MAML2: variants seen among roughly 807,000 people sequenced by gnomAD.
MAML2 encodes the protein mastermind like transcriptional coactivator 2.
A neutral mutation model predicts 96.1 loss-of-function variants in MAML2; 22 were observed. The observed-to-expected ratio is 0.23, with a 90% CI of 0.16 to 0.33. MAML2 has a LOEUF of 0.33. MAML2 is among the 10% of genes least tolerant of loss of function. The pLI is 1.00. For missense variants in MAML2, 1,367 were observed against 1,392.4 expected, an observed-to-expected ratio of 0.98 and a Z score of 0.29; for synonymous variants, 561 against 521.3, an observed-to-expected ratio of 1.08 and a Z score of -1.04.
At chr11:96,312,659 T>G (rs1350555076) in intron 1 of MAML2, among the ~76,000 whole-genome samples, 1 of 152,252 alleles carries the variant, frequency 6.6e-6, no homozygotes, top group Non-Finnish European at 1.5e-5. Context: ...CACTATTTTT[T>G]TTTATTGTGG....
chr11:96,077,530 T>A (rs1161556139), intron 2 of MAML2, among the ~76,000 whole-genome samples: 1 of 152,204 alleles, frequency 6.6e-6, no homozygotes, highest in Non-Finnish European at 1.5e-5. Context: ...CTACCCCATC[T>A]TTTTTACTCT....
At chr11:96,050,308 A>G (rs954572420) in intron 2 of MAML2, among the ~76,000 whole-genome samples, 1 of 152,166 alleles carries the variant, frequency 6.6e-6, no homozygotes, top group Non-Finnish European at 1.5e-5. Flanking sequence ...AGGGTGAAAG[A>G]TCACTGGGCT....
Position 96,310,703 on chromosome 11 carries a change from C to T in MAML2, c.513+30680G>A, listed in dbSNP as rs531609139. ...AAGAGTCTGCTGGTTTGACTCTTCA[C>T]GCAAGTCAATTCAAATTAAGTCACT... On this transcript the variant is annotated intron_variant, in intron 1 of 4. Transcript: ENST00000524717. Among the ~76,000 whole-genome samples the T allele has an allele frequency of 2.5e-4, 38 of 152,236 alleles. No individual in the cohort carries two copies. In the East Asian group the frequency reaches 3.1e-3, roughly 12 times the overall value.
intron 1 of MAML2, among the ~76,000 whole-genome samples, chr11:96,240,557 C>CAGAAAAAAAAAAAAAAA (rs1862422371): frequency 2.0e-5 from 1 of 51,090 alleles, no homozygotes; most frequent in Non-Finnish European, 3.8e-5. Context: ...GACTCCGTCT[C>CAGAAAAAAAAAAAAAAA]AAAAAAAAAA....
chr11:96,228,898 C>A (rs1183961552), intron 1 of MAML2, among the ~76,000 whole-genome samples: 1 of 151,928 alleles, frequency 6.6e-6, no homozygotes, highest in African/African-American at 2.4e-5. Context: ...TTCACGCGGT[C>A]TCTTGTAAAG....
At chr11:96,037,213 A>C (rs1355601571) in intron 2 of MAML2, among the ~76,000 whole-genome samples, 1 of 152,142 alleles carries the variant, frequency 6.6e-6, no homozygotes, top group Admixed American at 6.5e-5. Flanking sequence ...AACAAAAAAA[A>C]TAACTCTGGC....
At chr11:96,288,137 T>A (rs990408297) in intron 1 of MAML2, among the ~76,000 whole-genome samples, 1 of 152,148 alleles carries the variant, frequency 6.6e-6, no homozygotes, top group Non-Finnish European at 1.5e-5. Flanking sequence ...TGGAAATAGT[T>A]GATGCAAAAA....
chr11:96,227,926 A>T (rs1591083682), intron 1 of MAML2, among the ~76,000 whole-genome samples: 1 of 152,138 alleles, frequency 6.6e-6, no homozygotes, highest in Non-Finnish European at 1.5e-5. Context: ...ACAAAGTGAG[A>T]CCCCTGTCTC....
chr11:96,073,828 A>G (rs1859389406), intron 2 of MAML2, among the ~76,000 whole-genome samples: 1 of 152,206 alleles, frequency 6.6e-6, no homozygotes, highest in Non-Finnish European at 1.5e-5. Context: ...TATTGTGCTT[A>G]GAATGTACAG....
At chr11:96,144,099 A>G (rs1049244703) in intron 1 of MAML2, among the ~76,000 whole-genome samples, 1 of 152,236 alleles carries the variant, frequency 6.6e-6, no homozygotes, top group Non-Finnish European at 1.5e-5. Context: ...GAAGTATGAC[A>G]TAAAGAAATG....
intron 1 of MAML2, among the ~76,000 whole-genome samples, chr11:96,196,619 C>T (rs1322674410): frequency 6.6e-6 from 1 of 152,220 alleles, no homozygotes; most frequent in Non-Finnish European, 1.5e-5. Context: ...GATGCCCCCT[C>T]CCCATGCTGG....
At chr11:96,034,432 T>TGAGAGAGA (rs371921984) in intron 2 of MAML2, among the ~76,000 whole-genome samples, 3 of 135,656 alleles carry the variant, frequency 2.2e-5, no homozygotes, top group African/African-American at 8.6e-5. Flanking sequence ...TGTGTGTGTG[T>TGAGAGAGA]GAGAGAGAGA....
At chr11:96,034,224 A>G (rs1460283077) in intron 2 of MAML2, among the ~76,000 whole-genome samples, 3 of 152,190 alleles carry the variant, frequency 2.0e-5, no homozygotes, top group Non-Finnish European at 4.4e-5. Context: ...CCTGAGGGGA[A>G]TGCGTCTCAT....
chr11:96,321,047 G>GA (rs34906975), intron 1 of MAML2, among the ~76,000 whole-genome samples: 5,625 of 152,242 alleles, frequency 0.037, 248 homozygotes, highest in African/African-American at 0.11. Context: ...GGTTTGTGTA[G>GA]AAAGACACAC....
intron 1 of MAML2, among the ~76,000 whole-genome samples, chr11:96,335,017 T>C (rs1835819959): frequency 6.6e-6 from 1 of 152,218 alleles, no homozygotes; most frequent in African/African-American, 2.4e-5. Flanking sequence ...AGCTAGTCAA[T>C]AGCCCATTCA....
chr11:96,314,922 G>A (rs999183674), intron 1 of MAML2, among the ~76,000 whole-genome samples: 2 of 152,228 alleles, frequency 1.3e-5, no homozygotes, highest in Non-Finnish European at 2.9e-5. Flanking sequence ...TGGTGTTGCA[G>A]CCACCAGTGA....
chr11:96,202,364 A>AG (rs1189356493), intron 1 of MAML2, among the ~76,000 whole-genome samples: 1 of 151,368 alleles, frequency 6.6e-6, no homozygotes, highest in East Asian at 1.9e-4. Context: ...AAAAAAAAAA[A>AG]AAAATTGATT....
intron 1 of MAML2, among the ~76,000 whole-genome samples, chr11:96,120,662 A>G (rs1458879662): frequency 1.3e-5 from 2 of 152,244 alleles, no homozygotes; most frequent in African/African-American, 4.8e-5. Flanking sequence ...GCTGTGGAGC[A>G]AGACGCTAGG....
intron 1 of MAML2, among the ~76,000 whole-genome samples, chr11:96,122,190 C>G (rs1281401735): frequency 1.3e-5 from 2 of 152,020 alleles, no homozygotes; most frequent in Non-Finnish European, 2.9e-5. Context: ...CACAGAAAAG[C>G]TCACAATTCT....
Sources: gnomAD v4.1 joint callset for allele counts (sites outside exome capture counted in the v4.1 genomes callset) on GRCh38, gnomAD v4.1.1 for gene constraint, MANE v1.5 for transcripts, NCBI Gene and HGNC (gene_info 2026-07-23, HGNC 2026-07-21) for gene names.